The following PLPPR1 variants were observed in gnomAD, a reference collection of about 807,000 sequenced individuals.
PLPPR1 encodes phospholipid phosphatase-related protein type 1.
In PLPPR1, 10 loss-of-function variants were observed where a neutral mutation model predicts 33.1. The observed-to-expected ratio is 0.30, with a 90% confidence interval of 0.19 to 0.51. The LOEUF (loss-of-function observed/expected upper bound fraction) is 0.51. PLPPR1 is among the 20% of genes least tolerant of loss of function. The pLI is 0.97. For synonymous variants in PLPPR1, 151 were observed against 151.0 expected (o/e 1.00, Z 0.00); for missense variants, 304 against 408.1 (o/e 0.74, Z 2.20).
intron 1 of PLPPR1, among the ~76,000 whole-genome samples, chr9:101,098,537 T>C (rs2118547690): frequency 6.6e-6 from 1 of 151,832 alleles, no homozygotes; most frequent in South Asian, 2.1e-4. Flanking sequence ...AGTGAATGAG[T>C]GGGGAACAAA....
At chr9:101,268,287 A>G (rs988190683) in intron 2 of PLPPR1, among the ~76,000 whole-genome samples, 9 of 152,102 alleles carry the variant, frequency 5.9e-5, no homozygotes, top group African/African-American at 1.7e-4. Flanking sequence ...TGTGAAAAAA[A>G]AAAAGAAAAA....
intron 2 of PLPPR1, among the ~76,000 whole-genome samples, chr9:101,207,237 A>G (rs1427242499): frequency 1.3e-5 from 2 of 152,178 alleles, no homozygotes; most frequent in Non-Finnish European, 2.9e-5. Context: ...TAAATATTCA[A>G]ACTTTTTCTT....
At chr9:101,143,974 T>C (rs748807860) in intron 1 of PLPPR1, among the ~76,000 whole-genome samples, 1 of 152,186 alleles carries the variant, frequency 6.6e-6, no homozygotes, top group Non-Finnish European at 1.5e-5. Context: ...TAAAGACACA[T>C]GCACACGTAT....
intron 2 of PLPPR1, among the ~76,000 whole-genome samples, chr9:101,195,401 G>T (rs191457081): frequency 6.6e-6 from 1 of 151,844 alleles, no homozygotes; most frequent in Non-Finnish European, 1.5e-5. Context: ...ATAATAAAAG[G>T]TTTTACTTAG....
chr9:101,313,116 C>T lies in PLPPR1; in HGVS notation c.813+142C>T, dbSNP rs189123642. Reference sequence around the variant, plus strand: ...AATTATTCTCCAAGTATTATACATGCTTTTGCTACAAAAATGATTTCAAAA... The same window carrying T: ...AATTATTCTCCAAGTATTATACATGTTTTTGCTACAAAAATGATTTCAAAA... On this transcript the variant is annotated intron_variant, in intron 6 of 7. Transcript: ENST00000374874. 2.3e-4 allele frequency: 167 copies of T among 740,920 alleles called. No individual in the cohort carries two copies. In the East Asian group the frequency reaches 4.1e-3, roughly 18 times the overall value. 45.9% of individuals were successfully genotyped at this position (740,920 alleles called of 1,614,324 possible). A position where few individuals can be genotyped will look rare whatever the true frequency, so the allele number is the denominator to read the frequency against.
chr9:101,114,948 G>T (rs542297693), intron 1 of PLPPR1, among the ~76,000 whole-genome samples: 2 of 152,184 alleles, frequency 1.3e-5, no homozygotes, highest in Non-Finnish European at 2.9e-5. Context: ...TTGAGAGGTG[G>T]TGGAGAGGTC....
chr9:101,102,103 T>TC (rs1197267740), intron 1 of PLPPR1, among the ~76,000 whole-genome samples: 2 of 142,472 alleles, frequency 1.4e-5, no homozygotes, highest in East Asian at 4.0e-4. Flanking sequence ...CTTTTTTTTT[T>TC]TTTTTTTTTT....
At chr9:101,269,680 T>C (rs768391518) in intron 2 of PLPPR1, 200 bp from the exon 3 acceptor site, 12 of 603,208 alleles carry the variant, frequency 2.0e-5, no homozygotes, top group Non-Finnish European at 3.3e-5. Flanking sequence ...CATTATTTGC[T>C]GGAAGGTTTA....
intron 6 of PLPPR1, among the ~76,000 whole-genome samples, chr9:101,317,083 A>G (rs920055737): frequency 1.3e-5 from 2 of 152,212 alleles, no homozygotes; most frequent in African/African-American, 2.4e-5. Context: ...GGTGGTTTGC[A>G]TTCACCATGT....
intron 4 of PLPPR1, among the ~76,000 whole-genome samples, chr9:101,291,718 G>A (rs1041964590): frequency 9.2e-5 from 14 of 152,200 alleles, no homozygotes; most frequent in Non-Finnish European, 1.9e-4. Flanking sequence ...CAACAGACCC[G>A]CAGCTGAGGG....
At chr9:101,278,310 G>C (rs1828233711) in intron 3 of PLPPR1, among the ~76,000 whole-genome samples, 1 of 152,010 alleles carries the variant, frequency 6.6e-6, no homozygotes, top group African/African-American at 2.4e-5. Context: ...TAAAATATTT[G>C]TGAAGAAGAG....
At chr9:101,048,511 G>A (rs774287964) in intron 1 of PLPPR1, among the ~76,000 whole-genome samples, 7 of 152,100 alleles carry the variant, frequency 4.6e-5, no homozygotes, top group Non-Finnish European at 7.4e-5. Flanking sequence ...ACCACTTTAG[G>A]TTGTAAGGCT....
intron 1 of PLPPR1, among the ~76,000 whole-genome samples, chr9:101,072,869 G>A (rs1301803491): frequency 1.3e-5 from 2 of 152,134 alleles, no homozygotes; most frequent in Admixed American, 6.5e-5. Flanking sequence ...CCATATGAAA[G>A]CTTTTTATTC....
chr9:101,080,489 T>A (rs540275326), intron 1 of PLPPR1, among the ~76,000 whole-genome samples: 1 of 152,236 alleles, frequency 6.6e-6, no homozygotes, highest in African/African-American at 2.4e-5. Context: ...CATTGCAGCC[T>A]GGGCAACAGA....
At position 101,185,537 on chromosome 9, in the gene PLPPR1, C is replaced by G; in HGVS notation, c.43C>G (p.Pro15Ala). The change falls in exon 2 of 8, where the codon CCG becomes GCG. Residue 15 changes from proline to alanine, a missense_variant. Transcript: ENST00000374874. The stretch of plus-strand genomic sequence containing the variant: ...CACTCAACGAAGTTATTCCATCATC[C>G]CGTGTTTTATATTTGTTGAGGTATG... ...NNTQRSYSIIPCFIFVELVIM... is the reference protein window; with the variant it reads ...NNTQRSYSIIACFIFVELVIM... 1 of 1,608,476 alleles carries G rather than the reference C, an allele frequency of 6.2e-7. No homozygotes were observed. Among genetic ancestry groups the G allele is most frequent in the East Asian group, 2.2e-5 (1 of 44,686 alleles).
chr9:101,209,055 C>T lies in PLPPR1; in HGVS notation c.63+23498C>T, dbSNP rs538353542. ...AAATTGTTTTTCTGAAAGTGGGGTC[C>T]CAGACCAGTAGCATCATCATTACCT... On this transcript the variant is annotated intron_variant, in intron 2 of 7. Transcript: ENST00000374874. Among the ~76,000 whole-genome samples the T allele has an allele frequency of 2.6e-5, 4 of 152,224 alleles. No homozygotes were observed. The South Asian group carries it at 6.2e-4, about 24-fold the overall frequency.
chr9:101,117,728 T>A (rs1382644564), intron 1 of PLPPR1, among the ~76,000 whole-genome samples: 1 of 152,090 alleles, frequency 6.6e-6, no homozygotes, highest in Non-Finnish European at 1.5e-5. Flanking sequence ...AATAGTTTAA[T>A]TTCCAAAGTC....
chr9:101,059,002 A>G (rs1830310952), intron 1 of PLPPR1, among the ~76,000 whole-genome samples: 1 of 152,158 alleles, frequency 6.6e-6, no homozygotes, highest in Admixed American at 6.6e-5. Context: ...CCAGCCACTT[A>G]CTATTCTGGT....
chr9:101,089,255 C>A (rs1472536699), intron 1 of PLPPR1, among the ~76,000 whole-genome samples: 1 of 151,570 alleles, frequency 6.6e-6, no homozygotes, highest in Non-Finnish European at 1.5e-5. Flanking sequence ...AAGGGACTTG[C>A]CCAGGAATAC....
Sources: allele counts gnomAD v4.1 joint callset (sites outside exome capture counted in the v4.1 genomes callset), GRCh38; gene constraint gnomAD v4.1.1; transcripts MANE v1.5; gene names NCBI Gene and HGNC (gene_info 2026-07-23, HGNC 2026-07-21).